ESR1: variants seen among roughly 807,000 people sequenced by gnomAD.
ESR1 encodes the protein estrogen receptor.
ESR1 carries 12 observed loss-of-function variants against 52.7 expected under a neutral mutation model. That is an observed-to-expected ratio of 0.23 (90% CI 0.15 to 0.37). The LOEUF (loss-of-function observed/expected upper bound fraction) is 0.37, where lower values mean the gene tolerates loss of function less well. ESR1 is among the 10% of genes least tolerant of loss of function. ESR1 has a pLI of 1.00. For synonymous variants in ESR1, 305 were observed against 316.8 expected (o/e 0.96, Z 0.39); for missense variants, 584 against 779.7 (o/e 0.75, Z 2.99).
At chr6:151,819,030 T>C (rs1780130389) in intron 1 of ESR1, among the ~76,000 whole-genome samples, 4 of 152,176 alleles carry the variant, frequency 2.6e-5, no homozygotes, top group Non-Finnish European at 1.5e-5. Flanking sequence ...GAAAGAGCCA[T>C]GTTTAAATGG....
chr6:152,009,362 T>G lies in ESR1; in HGVS notation c.1097-2294T>G, dbSNP rs547799546. Among the ~76,000 whole-genome samples, 29 of 152,248 alleles carry G rather than the reference T, an allele frequency of 1.9e-4. No individual in the cohort carries two copies. In the South Asian group the frequency reaches 5.2e-3, roughly 27 times the overall value. On this transcript the variant is annotated intron_variant, in intron 4 of 7. Transcript: ENST00000206249. ...AAAAATGCAAAATTTGATGGAATCA[T>G]GCATCTTGTGCCTACAGTGAGTATA...
At chr6:152,059,837 A>G (rs1030883182) in intron 5 of ESR1, among the ~76,000 whole-genome samples, 1 of 152,196 alleles carries the variant, frequency 6.6e-6, no homozygotes, top group Non-Finnish European at 1.5e-5. Flanking sequence ...GAAAGAAGTG[A>G]TTGAAGAAAG....
At position 152,123,456 on chromosome 6, in the gene ESR1, A is replaced by G. The variant is rs565455929; in HGVS notation, c.851-1810A>G. Among the ~76,000 whole-genome samples the G allele has an allele frequency of 1.1e-4, 17 of 152,300 alleles. No individual in the cohort carries two copies. In the South Asian group the frequency reaches 3.5e-3, roughly 32 times the overall value. ...TACACTCAAAGTGACAAGTTTTTCT[A>G]TTTCACTTTTATCTTCCTTTTAAAC... On this transcript the variant is annotated intron_variant, in intron 6 of 6. Transcript: ENST00000427531.
At chr6:151,787,826 A>G (rs933743201) in intron 2 of ESR1, among the ~76,000 whole-genome samples, 1 of 152,118 alleles carries the variant, frequency 6.6e-6, no homozygotes, top group Non-Finnish European at 1.5e-5. Context: ...TTCTATTTGG[A>G]TGTGCTATAT....
In ESR1 at chr6:152,000,806, C is replaced by A. The variant is rs183953401; in HGVS notation, c.1097-10850C>A. Among the ~76,000 whole-genome samples, 5 of 152,000 alleles carry A rather than the reference C, an allele frequency of 3.3e-5. No homozygotes were observed. In the East Asian group the frequency reaches 9.7e-4, roughly 29 times the overall value. ...TTTGTTTTTTGGTCTTTTTTAGTAA[C>A]CCCAATCCAAACTATTCTCATTTGT... On this transcript the variant is annotated intron_variant, in intron 4 of 7. Transcript: ENST00000206249.
Position 152,101,618 on chromosome 6 carries a change from T to A in ESR1, c.*2652T>A, listed in dbSNP as rs1018335177. On this transcript the variant is annotated 3_prime_UTR_variant, in exon 8 of 8. Coordinates refer to ENST00000206249, the MANE Select transcript of ESR1 (RefSeq NM_000125.4). ...TAATGGACAGCAGATATTTTCTGGC[T>A]GATGTTGGTATTGGGTGTAGGAACA... 1 of 230,820 alleles carries A rather than the reference T, an allele frequency of 4.3e-6. No individual in the cohort carries two copies. Among genetic ancestry groups the A allele is most frequent in the Admixed American group, 5.7e-5 (1 of 17,692 alleles). The allele number at this position is 230,820 out of a possible 1,614,324, so 14.3% of individuals were successfully genotyped here.
At chr6:151,706,928 G>A (rs558918802) in intron 2 of ESR1, among the ~76,000 whole-genome samples, 55 of 152,268 alleles carry the variant, frequency 3.6e-4, no homozygotes, top group African/African-American at 1.2e-3. Flanking sequence ...TCCTCAAAAC[G>A]TGAGGATTTG....
At chr6:151,982,571 G>A (rs868291947) in intron 4 of ESR1, among the ~76,000 whole-genome samples, 3 of 148,616 alleles carry the variant, frequency 2.0e-5, no homozygotes, top group Non-Finnish European at 3.0e-5. Flanking sequence ...TGCAAGCTCC[G>A]CCTCCCGGGT....
rs1016340929 is a variant in ESR1, at chr6:152,078,916, C to T, written c.1370-15469C>T. 2.6e-4 allele frequency among the ~76,000 whole-genome samples: 40 copies of T among 152,188 alleles called. 1 individual carries two copies. Among genetic ancestry groups the T allele is most frequent in the Non-Finnish European group, 7.3e-5 (5 of 68,030 alleles). ...CAACCTGCAATGCTGCTGCTTGATG[C>T]GGGGAGGGGCGTCTGCCATTGATGA... On this transcript the variant is annotated intron_variant, in intron 6 of 7. Coordinates refer to ENST00000206249, the MANE Select transcript of ESR1 (RefSeq NM_000125.4).
chr6:152,062,386 G>A (rs762848227), intron 6 of ESR1, among the ~76,000 whole-genome samples: 1 of 152,084 alleles, frequency 6.6e-6, no homozygotes, highest in Non-Finnish European at 1.5e-5. Context: ...GTTGCCTAAT[G>A]GTTATCACAG....
chr6:152,041,297 C>T (rs999251439), intron 5 of ESR1, among the ~76,000 whole-genome samples: 3 of 152,184 alleles, frequency 2.0e-5, no homozygotes, highest in African/African-American at 7.2e-5. Flanking sequence ...GCCAAGCATT[C>T]TGGACCTGTT....
intron 6 of ESR1, among the ~76,000 whole-genome samples, chr6:152,073,542 C>T (rs980217437): frequency 6.6e-6 from 1 of 152,232 alleles, no homozygotes; most frequent in Non-Finnish European, 1.5e-5. Context: ...CCACTTCTTC[C>T]TTTCTCCACA....
intron 1 of ESR1, among the ~76,000 whole-genome samples, chr6:151,669,153 A>AGAGAGAGAGAGAGAGGGAGAG (rs1777942994): frequency 8.7e-6 from 1 of 114,378 alleles, no homozygotes; most frequent in Admixed American, 8.4e-5. Flanking sequence ...GCTGGGAGAG[A>AGAGAGAGAGAGAGAGGGAGAG]GAGAGAGAGA....
chr6:152,093,186 G>T (rs973625667), intron 6 of ESR1, among the ~76,000 whole-genome samples: 1 of 151,434 alleles, frequency 6.6e-6, no homozygotes, highest in Non-Finnish European at 1.5e-5. Context: ...CTGAGGCAGA[G>T]AACTGTTTAA....
At chr6:152,065,528 T>A (rs1206278463) in intron 6 of ESR1, among the ~76,000 whole-genome samples, 1 of 152,184 alleles carries the variant, frequency 6.6e-6, no homozygotes, top group Admixed American at 6.5e-5. Context: ...ATTTAATAAT[T>A]ATTTCTACCT....
At chr6:151,742,218 C>T (rs938264055) in intron 2 of ESR1, among the ~76,000 whole-genome samples, 1 of 152,108 alleles carries the variant, frequency 6.6e-6, no homozygotes, top group Non-Finnish European at 1.5e-5. Context: ...GCAATGAACA[C>T]GGGGGTGCAG....
chr6:151,940,797 A>G (rs1235591196), intron 3 of ESR1, among the ~76,000 whole-genome samples: 2 of 152,236 alleles, frequency 1.3e-5, no homozygotes, highest in African/African-American at 2.4e-5. Context: ...TGAAAACTTG[A>G]TGGAGGGTAA....
intron 2 of ESR1, among the ~76,000 whole-genome samples, chr6:151,857,720 G>C (rs1340792971): frequency 2.0e-5 from 3 of 151,840 alleles, no homozygotes; most frequent in Non-Finnish European, 4.4e-5. Flanking sequence ...GTAGAGGCAG[G>C]GTTTCACCAT....
chr6:152,060,670 G>C (rs925470382), intron 5 of ESR1, among the ~76,000 whole-genome samples: 2 of 152,078 alleles, frequency 1.3e-5, no homozygotes, highest in Non-Finnish European at 2.9e-5. Flanking sequence ...TAGATAAATC[G>C]TTTACCCAGA....
Sources: gnomAD v4.1 joint callset for allele counts (sites outside exome capture counted in the v4.1 genomes callset) on GRCh38, gnomAD v4.1.1 for gene constraint, MANE v1.5 for transcripts, NCBI Gene and HGNC (gene_info 2026-07-23, HGNC 2026-07-21) for gene names.